The following KIAA0825 variants were observed in gnomAD, a reference collection of about 807,000 sequenced individuals.
The protein encoded by KIAA0825 is uncharacterized protein KIAA0825.
In KIAA0825, 119 loss-of-function variants were observed where a neutral mutation model predicts 147.6. The ratio of observed to expected loss-of-function variants is 0.81; its 90% CI spans 0.69 to 0.94. The LOEUF is 0.94. Among genes scored for constraint, KIAA0825 ranks in the 40% least tolerant of loss-of-function variants. The pLI, the probability that KIAA0825 is intolerant of heterozygous loss-of-function variation, is 0.00. For missense variants in KIAA0825, 1,381 were observed against 1,472.7 expected (o/e 0.94, Z 1.02); for synonymous variants, 470 against 518.1 (o/e 0.91, Z 1.26).
intron 18 of KIAA0825, among the ~76,000 whole-genome samples, chr5:94,389,827 G>A (rs1361663291): frequency 6.6e-6 from 1 of 152,156 alleles, no homozygotes; most frequent in African/African-American, 2.4e-5. Context: ...TAGTTACAAG[G>A]CAAAGGTACC....
intron 20 of KIAA0825, among the ~76,000 whole-genome samples, chr5:94,198,151 T>C (rs1771316489): frequency 6.6e-6 from 1 of 152,146 alleles, no homozygotes; most frequent in Non-Finnish European, 1.5e-5. Flanking sequence ...TTCAGCAGTG[T>C]TTTGTAATTT....
At chr5:94,403,212 T>C (rs1018149288) in intron 16 of KIAA0825, among the ~76,000 whole-genome samples, 1 of 152,156 alleles carries the variant, frequency 6.6e-6, no homozygotes, top group Admixed American at 6.5e-5. Flanking sequence ...AATAATTAAA[T>C]GGAATATCAG....
intron 12 of KIAA0825, among the ~76,000 whole-genome samples, chr5:94,455,601 A>G (rs1321910803): frequency 6.6e-6 from 1 of 152,210 alleles, no homozygotes; most frequent in East Asian, 1.9e-4. Flanking sequence ...TTAAAAGGCC[A>G]TTAGTAGGAG....
chr5:94,554,093 G>C (rs1048426557), intron 2 of KIAA0825, among the ~76,000 whole-genome samples: 1 of 152,186 alleles, frequency 6.6e-6, no homozygotes, highest in Non-Finnish European at 1.5e-5. Flanking sequence ...GCGGCAGCAA[G>C]ATATTCTTCT....
At chr5:94,312,117 G>GAA (rs778665530) in intron 20 of KIAA0825, among the ~76,000 whole-genome samples, 3 of 151,598 alleles carry the variant, frequency 2.0e-5, no homozygotes, top group Non-Finnish European at 4.4e-5. Flanking sequence ...TGCTTTTTAT[G>GAA]AATATTCATA....
chr5:94,517,658 C>G (rs1767470623), intron 5 of KIAA0825, among the ~76,000 whole-genome samples: 1 of 150,018 alleles, frequency 6.7e-6, no homozygotes, highest in Non-Finnish European at 1.5e-5. Context: ...AAATCATATA[C>G]ATTTAAATTA....
chr5:94,479,397 G>T (rs1289389143), intron 6 of KIAA0825, among the ~76,000 whole-genome samples: 1 of 151,988 alleles, frequency 6.6e-6, no homozygotes, highest in African/African-American at 2.4e-5. Context: ...ATGCATTTAA[G>T]GTTCCTCCAT....
rs1354107552 is a variant in KIAA0825 at position 94,583,344 on chromosome 5, G to A, written c.-152-761C>T. Among the ~76,000 whole-genome samples, 3 of 152,244 alleles carry A rather than the reference G, an allele frequency of 2.0e-5. No homozygotes were observed. In the East Asian group the frequency reaches 5.8e-4, roughly 29 times the overall value. ...CATGGTCTTTGCAACTGGCAGACCA[G>A]AAGATTCCCTCTTGTGTCTGGCTTG... is the stretch of plus-strand genomic sequence containing the variant. On this transcript the variant is annotated intron_variant, in intron 1 of 20. Transcript: ENST00000682413.
intron 20 of KIAA0825, among the ~76,000 whole-genome samples, chr5:94,225,436 T>C (rs1340763653): frequency 4.6e-5 from 7 of 152,224 alleles, no homozygotes; most frequent in Non-Finnish European, 8.8e-5. Context: ...TAAATGTTTG[T>C]GTCACTGCAA....
intron 5 of KIAA0825, among the ~76,000 whole-genome samples, chr5:94,488,203 T>A (rs1301467619): frequency 6.6e-6 from 1 of 152,186 alleles, no homozygotes. Flanking sequence ...TCTGAAAACT[T>A]TTTGGATACA....
intron 5 of KIAA0825, among the ~76,000 whole-genome samples, chr5:94,508,218 T>C (rs1766000196): frequency 6.6e-6 from 1 of 152,150 alleles, no homozygotes; most frequent in Non-Finnish European, 1.5e-5. Context: ...AAAAGGCAAC[T>C]TAATATTTCA....
chr5:94,589,908 T>C (rs1301796341), intron 1 of KIAA0825, among the ~76,000 whole-genome samples: 1 of 152,088 alleles, frequency 6.6e-6, no homozygotes, highest in Non-Finnish European at 1.5e-5. Flanking sequence ...ATGGCTATTT[T>C]GTTATCTATG....
At chr5:94,510,326 C>A (rs1409107632) in intron 5 of KIAA0825, among the ~76,000 whole-genome samples, 1 of 152,188 alleles carries the variant, frequency 6.6e-6, no homozygotes, top group Non-Finnish European at 1.5e-5. Flanking sequence ...ATATTAGAGT[C>A]TCATCTCTGA....
At chr5:94,564,219 T>G (rs1270360303) in intron 2 of KIAA0825, among the ~76,000 whole-genome samples, 2 of 149,030 alleles carry the variant, frequency 1.3e-5, no homozygotes, top group African/African-American at 2.5e-5. Context: ...CCCTTGTTTT[T>G]TTTTTTTTTT....
chr5:94,246,321 C>A (rs1775608154), intron 20 of KIAA0825, among the ~76,000 whole-genome samples: 1 of 152,058 alleles, frequency 6.6e-6, no homozygotes, highest in Non-Finnish European at 1.5e-5. Flanking sequence ...GTTTCTACAG[C>A]ATGTTGTGAA....
intron 20 of KIAA0825, among the ~76,000 whole-genome samples, chr5:94,332,327 A>T (rs1331061326): frequency 6.6e-6 from 1 of 151,640 alleles, no homozygotes; most frequent in Non-Finnish European, 1.5e-5. Flanking sequence ...TGCTACACCC[A>T]TCAACACGTC....
intron 20 of KIAA0825, among the ~76,000 whole-genome samples, chr5:94,293,793 T>G (rs2150170383): frequency 6.6e-6 from 1 of 152,344 alleles, no homozygotes; most frequent in Middle Eastern, 3.4e-3. Context: ...ATCTGGGTTC[T>G]CATGTATTGG....
At chr5:94,342,250 A>C (rs1176955682) in intron 20 of KIAA0825, among the ~76,000 whole-genome samples, 1 of 152,158 alleles carries the variant, frequency 6.6e-6, no homozygotes, top group East Asian at 1.9e-4. Flanking sequence ...TCACTAAAAA[A>C]AATTTTTTTA....
chr5:94,320,164 T>C (rs936826304), intron 20 of KIAA0825, among the ~76,000 whole-genome samples: 1 of 152,024 alleles, frequency 6.6e-6, no homozygotes, highest in Non-Finnish European at 1.5e-5. Context: ...CTTTACTTCA[T>C]AGCTTTTATT....
Sources: allele counts gnomAD v4.1 joint callset (sites outside exome capture counted in the v4.1 genomes callset), GRCh38; gene constraint gnomAD v4.1.1; transcripts MANE v1.5; gene names NCBI Gene and HGNC (gene_info 2026-07-23, HGNC 2026-07-21).